The following SLC51A variants were observed in gnomAD, a reference collection of about 807,000 sequenced individuals.
SLC51A encodes organic solute transporter subunit alpha.
Under a neutral mutation model 34.8 loss-of-function variants are expected in SLC51A, and 22 were observed. The ratio of observed to expected loss-of-function variants is 0.63; its 90% CI spans 0.45 to 0.90. SLC51A has a LOEUF of 0.90. Among genes scored for constraint, SLC51A ranks in the 40% least tolerant of loss-of-function variants. The pLI, the probability that SLC51A is intolerant of heterozygous loss-of-function variation, is 0.00. For synonymous variants in SLC51A, 181 were observed against 176.3 expected (o/e 1.03, Z -0.21); for missense variants, 371 against 414.8 (o/e 0.89, Z 0.92).
intron 2 of SLC51A, among the ~76,000 whole-genome samples, chr3:196,226,198 G>A (rs887847570): frequency 3.9e-5 from 6 of 152,110 alleles, no homozygotes; most frequent in Non-Finnish European, 8.8e-5. Context: ...GTGCACACCT[G>A]TAGTCCCAGG....
Position 196,226,861 on chromosome 3 carries a change from G to C in SLC51A, c.134-104G>C, listed in dbSNP as rs1043260630. 3.6e-6 allele frequency: 4 copies of C among 1,118,284 alleles called. No homozygotes were observed. In the African/African-American group the frequency reaches 4.7e-5, roughly 13 times the overall value. 69.3% of individuals were successfully genotyped at this position (1,118,284 alleles called of 1,614,324 possible). On this transcript the variant is annotated intron_variant, in intron 2 of 8. Coordinates refer to ENST00000296327, the MANE Select transcript of SLC51A (RefSeq NM_152672.6). ...CTAAAAAATCCTCATTCCTGTGCAC[G>C]GGTGGGAGCCTAGATCCAGTAAGGC...
At chr3:196,226,263 A>T (rs1233138222) in intron 2 of SLC51A, among the ~76,000 whole-genome samples, 1 of 152,140 alleles carries the variant, frequency 6.6e-6, no homozygotes, top group East Asian at 1.9e-4. Flanking sequence ...TCAAGGTTGC[A>T]GTGAGCCATG....
At chr3:196,230,298 C>T (rs1184490782) in intron 7 of SLC51A, among the ~76,000 whole-genome samples, 1 of 152,144 alleles carries the variant, frequency 6.6e-6, no homozygotes, top group Non-Finnish European at 1.5e-5. Flanking sequence ...AAACAACAGA[C>T]ATGTCTTGTC....
intron 2 of SLC51A, among the ~76,000 whole-genome samples, chr3:196,222,237 T>C (rs955590712): frequency 2.6e-5 from 4 of 152,246 alleles, no homozygotes; most frequent in Non-Finnish European, 4.4e-5. Context: ...TAATAGTTGC[T>C]ATAAGTATGA....
chr3:196,226,024 A>C (rs763514546), intron 2 of SLC51A, among the ~76,000 whole-genome samples: 3 of 152,140 alleles, frequency 2.0e-5, no homozygotes, highest in Non-Finnish European at 4.4e-5. Context: ...CTTTTGTTGA[A>C]GTTCTCCCCT....
chr3:196,223,697 T>A (rs1360563647), intron 2 of SLC51A, among the ~76,000 whole-genome samples: 6 of 149,688 alleles, frequency 4.0e-5, no homozygotes, highest in African/African-American at 1.2e-4. Flanking sequence ...TGAGTTTTTT[T>A]AATTAAACAT....
In SLC51A at chr3:196,226,773, T is replaced by TAAAAAAAAAAAAAA. The variant is rs780868037; in HGVS notation, c.134-189_134-176dup. Among the ~76,000 whole-genome samples the TAAAAAAAAAAAAAA allele has an allele frequency of 3.5e-3, 377 of 107,380 alleles. 5 individuals carry two copies. The highest frequency in any genetic ancestry group is 0.018 in the East Asian group (64 of 3,510). The allele number at this position is 107,380 out of a possible 152,430, so 70.4% of individuals were successfully genotyped here. A position where few individuals can be genotyped will look rare whatever the true frequency, so the allele number is the denominator to read the frequency against. On this transcript the variant is annotated intron_variant, in intron 2 of 8. Coordinates refer to ENST00000296327, the MANE Select transcript of SLC51A (RefSeq NM_152672.6). ...TGGGCAACAGAGTGAGGCTCCGTCTTAAAAAAAAAAAAAAAAGAAAAAGAA... is the reference window on the plus strand; with the variant it reads ...TGGGCAACAGAGTGAGGCTCCGTCTTAAAAAAAAAAAAAAAAAAAAAAAAAAAAAAGAAAAAGAA...
chr3:196,221,910 G>T (rs1278376709), intron 2 of SLC51A, among the ~76,000 whole-genome samples: 1 of 151,778 alleles, frequency 6.6e-6, no homozygotes, highest in East Asian at 2.0e-4. Context: ...AGTAGAGACG[G>T]GGTTTCACCG....
At chr3:196,221,598 C>G (rs545137944) in intron 2 of SLC51A, among the ~76,000 whole-genome samples, 1 of 152,140 alleles carries the variant, frequency 6.6e-6, no homozygotes, top group African/African-American at 2.4e-5. Context: ...AAATACTACA[C>G]GCCAGGTGCT....
At chr3:196,220,763 A>G (rs1269096203) in intron 2 of SLC51A, among the ~76,000 whole-genome samples, 1 of 152,178 alleles carries the variant, frequency 6.6e-6, no homozygotes, top group East Asian at 1.9e-4. Flanking sequence ...TAGGCGTGTA[A>G]GTGCTGGTTC....
At chr3:196,231,685 G>A (rs961078618) in intron 7 of SLC51A, among the ~76,000 whole-genome samples, 2 of 152,184 alleles carry the variant, frequency 1.3e-5, no homozygotes, top group Non-Finnish European at 2.9e-5. Flanking sequence ...GGCCGAGCCT[G>A]CCCATGGTTA....
chr3:196,232,278 C>T lies in SLC51A; in HGVS notation c.781-141C>T, dbSNP rs6793156. On this transcript the variant is annotated intron_variant, in intron 7 of 8. Coordinates refer to ENST00000296327, the MANE Select transcript of SLC51A (RefSeq NM_152672.6). ...CCACAGATTTTTAATGAAGTGAGAG[C>T]CTCAACCCTCTGTGACTGCACAGAT... The T allele has an allele frequency of 1.3e-3, 784 of 605,020 alleles. 7 individuals carry two copies. In the African/African-American group the frequency reaches 0.013, roughly 10 times the overall value. 37.5% of individuals were successfully genotyped at this position (605,020 alleles called of 1,614,324 possible).
chr3:196,226,976 G>A lies in SLC51A; in HGVS notation c.145G>A (p.Val49Met). 1.2e-6 allele frequency: 2 copies of A among 1,613,368 alleles called. No individual in the cohort carries two copies. Among genetic ancestry groups the A allele is most frequent in the Non-Finnish European group, 1.7e-6 (2 of 1,179,624 alleles). The stretch of plus-strand genomic sequence containing the variant: ...TTCTCCTCCTCTAGCCCTGGGCCCT[G>A]TGGAACTTGCCCTCACTAGCATCCT... Reference protein sequence around the residue: ...AAQLLRALGPVELALTSILTL... With the variant: ...AAQLLRALGPMELALTSILTL... The change falls in exon 3 of 9, where the codon GTG becomes ATG. Residue 49 changes from valine to methionine, a missense_variant. Coordinates refer to ENST00000296327, the MANE Select transcript of SLC51A (RefSeq NM_152672.6).
In SLC51A at chr3:196,228,753, T is replaced by G. The variant is rs540507284; in HGVS notation, c.522-56T>G. On this transcript the variant is annotated intron_variant, in intron 5 of 8. Transcript: ENST00000296327. The surrounding 1 kb of genome is among the most constrained non-coding windows in gnomAD (Gnocchi z 4.9). ...AGGAGCCCTGTGAGGAGCCGGGGCG[T>G]CTTCCTGGGGCAGGGGGTTTGTGGG... The G allele has an allele frequency of 6.6e-5, 98 of 1,494,608 alleles. 1 individual carries two copies. The African/African-American group carries it at 1.3e-3, about 19-fold the overall frequency. 92.6% of individuals were successfully genotyped at this position (1,494,608 alleles called of 1,614,324 possible). A position where few individuals can be genotyped will look rare whatever the true frequency, so the allele number is the denominator to read the frequency against.
intron 7 of SLC51A, 56 bp downstream of exon 7, chr3:196,230,117 GGTTA>G: frequency 6.7e-7 from 1 of 1,485,454 alleles, no homozygotes; most frequent in Non-Finnish European, 9.0e-7. Context: ...AGATAGTTGG[GGTTA>G]GTAAGTGAGG....
At chr3:196,221,731 T>A (rs77721648) in intron 2 of SLC51A, among the ~76,000 whole-genome samples, 3 of 151,534 alleles carry the variant, frequency 2.0e-5, no homozygotes, top group African/African-American at 7.3e-5. Context: ...TTTTTTTTTT[T>A]AAGAGACAGA....
In SLC51A at chr3:196,229,400, C is replaced by T. The variant is rs1451478582; in HGVS notation, c.633+480C>T. Among the ~76,000 whole-genome samples the T allele has an allele frequency of 7.5e-5, 9 of 119,764 alleles. No individual in the cohort carries two copies. The East Asian group carries it at 2.2e-3, about 30-fold the overall frequency. The allele number at this position is 119,764 out of a possible 152,430, so 78.6% of individuals were successfully genotyped here. A position where few individuals can be genotyped will look rare whatever the true frequency, so the allele number is the denominator to read the frequency against. On this transcript the variant is annotated intron_variant, in intron 6 of 8. Coordinates refer to ENST00000296327, the MANE Select transcript of SLC51A (RefSeq NM_152672.6). ...TCTCTTTTTTTTTTTTTTTTTGAGACGGAGTTTCTCTTTTGTCGCCCAGGC... is the reference window on the plus strand; with the variant it reads ...TCTCTTTTTTTTTTTTTTTTTGAGATGGAGTTTCTCTTTTGTCGCCCAGGC...
chr3:196,217,733 A>C, intron 1 of SLC51A, 109 bp from the exon 2 acceptor site: 1 of 751,334 alleles, frequency 1.3e-6, no homozygotes, highest in Non-Finnish European at 2.2e-6. Flanking sequence ...AGAGGCCCTG[A>C]GGGGAAATGG....
intron 8 of SLC51A, 91 bp from the exon 9 acceptor site, chr3:196,232,972 A>G (rs528556760): frequency 1.6e-6 from 2 of 1,279,922 alleles, no homozygotes; most frequent in East Asian, 4.7e-5. Flanking sequence ...AACTGGAGAA[A>G]GTGTTGCTCA....
Sources: allele counts gnomAD v4.1 joint callset (sites outside exome capture counted in the v4.1 genomes callset), GRCh38; gene constraint gnomAD v4.1.1; non-coding constraint Gnocchi (gnomAD v3.1); transcripts MANE v1.5; gene names NCBI Gene and HGNC (gene_info 2026-07-23, HGNC 2026-07-21).